Variants in KCNMA1 observed in about 807,000 individuals in gnomAD.
KCNMA1 encodes the protein Calcium-activated potassium channel subunit alpha-1.
Under a neutral mutation model 140.0 loss-of-function variants are expected in KCNMA1, and 29 were observed. The ratio of observed to expected loss-of-function variants is 0.21; its 90% CI spans 0.15 to 0.28. The LOEUF is 0.28. Ranked by LOEUF, KCNMA1 falls within the 10% of genes least tolerant of loss-of-function variation. The probability of loss-of-function intolerance (pLI) is 1.00; values close to 1 mark genes in which losing one functional copy is unlikely to be tolerated. For synonymous variants in KCNMA1, 612 were observed against 611.9 expected (o/e 1.00, Z 0.00); for missense variants, 880 against 1,602.2 (o/e 0.55, Z 7.70).
At chr10:76,923,610 T>G (rs1461558265) in intron 23 of KCNMA1, among the ~76,000 whole-genome samples, 1 of 152,226 alleles carries the variant, frequency 6.6e-6, no homozygotes, top group Non-Finnish European at 1.5e-5. Context: ...TGTCTCCGTT[T>G]ACCCAAGAGC....
intron 29 of KCNMA1, among the ~76,000 whole-genome samples, chr10:76,878,437 G>GT (rs1194653769): frequency 2.0e-5 from 3 of 152,108 alleles, no homozygotes; most frequent in Non-Finnish European, 4.4e-5. Context: ...CCACTCTCCT[G>GT]TTTCATTTGT....
chr10:77,401,841 C>T (rs1298372994), intron 2 of KCNMA1, among the ~76,000 whole-genome samples: 6 of 152,162 alleles, frequency 3.9e-5, no homozygotes, highest in Non-Finnish European at 8.8e-5. Context: ...TCCCCTACAG[C>T]CCCTCCCCAC....
At chr10:77,283,821 G>T (rs371403935) in intron 2 of KCNMA1, among the ~76,000 whole-genome samples, 2 of 152,288 alleles carry the variant, frequency 1.3e-5, no homozygotes, top group East Asian at 1.9e-4. Flanking sequence ...CATCCCCAAT[G>T]AATGTGAACC....
downstream of KCNMA1, among the ~76,000 whole-genome samples, chr10:76,883,676 A>T (rs997293482): frequency 6.7e-6 from 1 of 149,232 alleles, no homozygotes; most frequent in Non-Finnish European, 1.5e-5. Flanking sequence ...TTAAATGTAT[A>T]TACTTTATTT....
intron 1 of KCNMA1, among the ~76,000 whole-genome samples, chr10:77,555,563 T>C (rs2154557856): frequency 6.6e-6 from 1 of 152,344 alleles, no homozygotes; most frequent in Non-Finnish European, 1.5e-5. Context: ...ACTGTTTTAC[T>C]AGTTCAGCCG....
At chr10:76,873,233 T>C (rs1037120260), downstream of KCNMA1, 27 of 152,332 alleles carry the variant, frequency 1.8e-4, 1 homozygote, top group Middle Eastern at 3.4e-3. Context: ...TATGGAAATC[T>C]TGAAATTATT....
At chr10:77,074,049 G>A (rs1301066065) in intron 13 of KCNMA1, among the ~76,000 whole-genome samples, 1 of 152,042 alleles carries the variant, frequency 6.6e-6, no homozygotes, top group Non-Finnish European at 1.5e-5. Context: ...CTCCAGAGTT[G>A]GAAAAATCGG....
At chr10:77,620,348 T>C (rs1252512336) in intron 1 of KCNMA1, among the ~76,000 whole-genome samples, 2 of 152,144 alleles carry the variant, frequency 1.3e-5, no homozygotes, top group Non-Finnish European at 2.9e-5. Context: ...CCACTTTCCA[T>C]GCAGGTGCAA....
At chr10:77,068,041 A>G (rs900509917) in intron 14 of KCNMA1, among the ~76,000 whole-genome samples, 1 of 152,180 alleles carries the variant, frequency 6.6e-6, no homozygotes, top group African/African-American at 2.4e-5. Context: ...CAGTATACTC[A>G]AGGGCAAACC....
chr10:77,243,648 G>A (rs902283088), intron 3 of KCNMA1, among the ~76,000 whole-genome samples: 1 of 152,174 alleles, frequency 6.6e-6, no homozygotes, highest in African/African-American at 2.4e-5. Flanking sequence ...ATCAGATAGT[G>A]TTTCCACAGG....
chr10:77,596,302 G>T (rs1333837712), intron 1 of KCNMA1, among the ~76,000 whole-genome samples: 5 of 152,144 alleles, frequency 3.3e-5, no homozygotes, highest in African/African-American at 1.2e-4. Context: ...TAAATGGCAA[G>T]TCCCTTTCAA....
intron 2 of KCNMA1, among the ~76,000 whole-genome samples, chr10:77,258,866 G>T (rs2061375495): frequency 6.6e-6 from 1 of 152,126 alleles, no homozygotes. Context: ...AGGAGGCTGA[G>T]GCAGGAGAAT....
chr10:77,021,750 T>C (rs797014179), intron 16 of KCNMA1, among the ~76,000 whole-genome samples: 9 of 152,290 alleles, frequency 5.9e-5, no homozygotes, highest in African/African-American at 2.2e-4. Context: ...GGGGTTTAAA[T>C]CATCCCCATG....
intron 25 of KCNMA1, chr10:76,902,582 C>T (rs2045958871): frequency 6.6e-6 from 1 of 152,180 alleles, no homozygotes; most frequent in African/African-American, 2.4e-5. Context: ...CTAAGGAATA[C>T]AGGAGTCCCT....
Position 77,222,017 on chromosome 10 carries a change from C to T in KCNMA1, c.602+29178G>A, listed in dbSNP as rs536751350. ...TGTAAAATGGTGATCATAACTCCTT[C>T]AGTACAGGATTATTGGGTGACTATA... On this transcript the variant is annotated intron_variant, in intron 3 of 27. Transcript: ENST00000286628. Among the ~76,000 whole-genome samples, 33 of 152,280 alleles carry T rather than the reference C, an allele frequency of 2.2e-4. No individual in the cohort carries two copies. The South Asian group carries it at 6.0e-3, about 28-fold the overall frequency.
At chr10:77,197,163 T>G (rs2040774499) in intron 3 of KCNMA1, among the ~76,000 whole-genome samples, 1 of 152,242 alleles carries the variant, frequency 6.6e-6, no homozygotes, top group Non-Finnish European at 1.5e-5. Context: ...AAAGTTGAAT[T>G]AATAGTTTTA....
At chr10:77,618,073 T>C (rs574979925) in intron 1 of KCNMA1, among the ~76,000 whole-genome samples, 3 of 152,272 alleles carry the variant, frequency 2.0e-5, no homozygotes, top group South Asian at 2.1e-4. Flanking sequence ...CTACCCCTCA[T>C]GATCCTTACT....
chr10:77,215,500 T>A (rs1184408252), intron 3 of KCNMA1, among the ~76,000 whole-genome samples: 2 of 151,428 alleles, frequency 1.3e-5, no homozygotes, highest in Non-Finnish European at 2.9e-5. Context: ...ATAGATCAGG[T>A]AATTAACTTT....
chr10:77,379,956 T>C (rs749501996), intron 2 of KCNMA1, among the ~76,000 whole-genome samples: 5 of 152,188 alleles, frequency 3.3e-5, no homozygotes, highest in Non-Finnish European at 7.3e-5. Context: ...ATGAATGCGG[T>C]ACCTACTCTC....
Sources: gnomAD v4.1 joint callset for allele counts (sites outside exome capture counted in the v4.1 genomes callset) on GRCh38, gnomAD v4.1.1 for gene constraint, MANE v1.5 for transcripts, NCBI Gene and HGNC (gene_info 2026-07-23, HGNC 2026-07-21) for gene names.